The following NBPF11 variants were observed in gnomAD, a reference collection of about 807,000 sequenced individuals.
The protein encoded by NBPF11 is NBPF member 11.
In NBPF11, 72 loss-of-function variants were observed where a neutral mutation model predicts 93.9. The ratio of observed to expected loss-of-function variants is 0.77; its 90% CI spans 0.63 to 0.93. The LOEUF is 0.93. Ranked by LOEUF, NBPF11 falls within the 40% of genes least tolerant of loss-of-function variation. NBPF11 has a pLI of 0.00. For synonymous variants in NBPF11, 224 were observed against 304.9 expected (o/e 0.73, Z 2.76); for missense variants, 705 against 802.2 (o/e 0.88, Z 1.46).
chr1:148,120,795 T>A (rs28429220), intron 9 of NBPF11, 85 bp from the exon 10 acceptor site: 2 of 972,180 alleles, frequency 2.1e-6, no homozygotes, highest in East Asian at 4.9e-5. Context: ...ATGTCACTGG[T>A]AGCCTTGTTT....
In NBPF11 at chr1:148,122,084, C is replaced by G; in HGVS notation, c.749G>C (p.Gly250Ala). Residue 250 changes from glycine to alanine, a missense_variant, in exon 9 of 24, where the codon GGA becomes GCA. This residue lies in a region of NBPF11 where 262 missense variants were observed against 223.1 expected (regional missense o/e 1.17). Transcript: ENST00000682118. ...LVVDRESSHD[G>A]CQDALNILPV... ...GAGAATGTTTAGAGCATCCTGACATCCATCATGAGAGGATTCTCTGTCTAC... is the reference window on the plus strand; with the variant it reads ...GAGAATGTTTAGAGCATCCTGACATGCATCATGAGAGGATTCTCTGTCTAC... The G allele has an allele frequency of 6.2e-7, 1 of 1,610,164 alleles. No individual in the cohort carries two copies. The highest frequency in any genetic ancestry group is 1.7e-5 in the Admixed American group (1 of 59,972).
At chr1:148,105,681 C>G (rs1303218092) in intron 21 of NBPF11, among the ~76,000 whole-genome samples, 153 bp from the exon 22 acceptor site, 1 of 128,302 alleles carries the variant, frequency 7.8e-6, no homozygotes, top group East Asian at 2.2e-4. Flanking sequence ...CATGTTGGGA[C>G]AGAACAGGGC....
chr1:148,142,634 G>A (rs1452569531), intron 2 of NBPF11, among the ~76,000 whole-genome samples: 1 of 152,018 alleles, frequency 6.6e-6, no homozygotes, highest in Non-Finnish European at 1.5e-5. Flanking sequence ...AACAGGCCAT[G>A]CCCCTTTCTT....
At chr1:148,128,941 T>C (rs1382223526) in intron 4 of NBPF11, among the ~76,000 whole-genome samples, 2 of 146,454 alleles carry the variant, frequency 1.4e-5, no homozygotes, top group African/African-American at 2.6e-5. Flanking sequence ...TGGGTGGGAA[T>C]TGAACAATGA....
intron 2 of NBPF11, among the ~76,000 whole-genome samples, chr1:148,141,275 G>A (rs1272016766): frequency 6.6e-6 from 1 of 152,000 alleles, no homozygotes; most frequent in Non-Finnish European, 1.5e-5. Flanking sequence ...CTCAAAGAAT[G>A]AACTCTAATG....
chr1:148,146,753 A>T (rs1187004377), intron 1 of NBPF11: 1 of 1,612,766 alleles, frequency 6.2e-7, no homozygotes, highest in African/African-American at 1.3e-5. Context: ...TCGCACGGCA[A>T]TGCCGTGGAC....
chr1:148,147,821 G>C (rs1312678635), intron 1 of NBPF11, among the ~76,000 whole-genome samples: 1 of 151,982 alleles, frequency 6.6e-6, no homozygotes, highest in Non-Finnish European at 1.5e-5. Context: ...CACTTCATGC[G>C]GCTTCCTCGG....
In NBPF11 at chr1:148,102,472, A is replaced by G. The variant is rs1250762535; in HGVS notation, c.*1424T>C. 1.8e-4 allele frequency: 28 copies of G among 151,848 alleles called. No individual in the cohort carries two copies. Among genetic ancestry groups the G allele is most frequent in the Admixed American group, 1.8e-3 (28 of 15,270 alleles). The allele number at this position is 151,848 out of a possible 1,614,324, so 9.4% of individuals were successfully genotyped here. A position where few individuals can be genotyped will look rare whatever the true frequency, so the allele number is the denominator to read the frequency against. On this transcript the variant is annotated 3_prime_UTR_variant, in exon 24 of 24. Coordinates refer to ENST00000682118, the MANE Select transcript of NBPF11 (RefSeq NM_001385469.3). ...GACAGATCTCCTAGACCCCTCCTTA[A>G]CCAAGTAACCAGTCCTGATATCATA...
chr1:148,130,871 T>C (rs1298715173), intron 4 of NBPF11, among the ~76,000 whole-genome samples: 2 of 151,730 alleles, frequency 1.3e-5, no homozygotes, highest in African/African-American at 2.4e-5. Flanking sequence ...CCATTTTCTA[T>C]AAATGAAATG....
chr1:148,140,220 C>A (rs1252566827), intron 2 of NBPF11, among the ~76,000 whole-genome samples: 1 of 151,968 alleles, frequency 6.6e-6, no homozygotes, highest in Non-Finnish European at 1.5e-5. Context: ...AACAGCTGGA[C>A]AACCACATGC....
chr1:148,135,742 A>C lies in NBPF11; in HGVS notation c.-106T>G. The C allele has an allele frequency of 1.4e-6, 1 of 709,966 alleles. No homozygotes were observed. Among genetic ancestry groups the C allele is most frequent in the South Asian group, 1.5e-5 (1 of 64,718 alleles). The allele number at this position is 709,966 out of a possible 1,614,324, so 44.0% of individuals were successfully genotyped here. A position where few individuals can be genotyped will look rare whatever the true frequency, so the allele number is the denominator to read the frequency against. On this transcript the variant is annotated 5_prime_UTR_variant, in exon 4 of 24. Coordinates refer to ENST00000682118, the MANE Select transcript of NBPF11 (RefSeq NM_001385469.3). Reference sequence around the variant, plus strand: ...TGGCATTAACTTTGGATTCCCAACCAGTAAATCTTAGCAAGATCTGAGTTT... The same window carrying C: ...TGGCATTAACTTTGGATTCCCAACCCGTAAATCTTAGCAAGATCTGAGTTT...
intron 2 of NBPF11, among the ~76,000 whole-genome samples, chr1:148,140,573 C>A: frequency 6.8e-6 from 1 of 146,118 alleles, no homozygotes; most frequent in African/African-American, 2.5e-5. Context: ...AACTAAACAA[C>A]ACAAAGCAAA....
intron 1 of NBPF11, among the ~76,000 whole-genome samples, chr1:148,144,232 C>T (rs1672639316): frequency 6.7e-6 from 1 of 148,446 alleles, no homozygotes; most frequent in African/African-American, 2.5e-5. Flanking sequence ...GTATATTCTA[C>T]AGGCTGTCTC....
chr1:148,147,092 C>T (rs1448359482), intron 1 of NBPF11, among the ~76,000 whole-genome samples: 3 of 152,258 alleles, frequency 2.0e-5, no homozygotes, highest in Non-Finnish European at 2.9e-5. Context: ...GTGCAGGTGC[C>T]GCCTCCACAT....
chr1:148,103,765 G>A lies in NBPF11; in HGVS notation c.*131C>T, dbSNP rs1333703833. On this transcript the variant is annotated 3_prime_UTR_variant, in exon 24 of 24. Transcript: ENST00000682118. ...TGTCCATGTCAAGGGCAAAGCTGAT[G>A]TGCTGTTCCTCAAATGAGTAAAACA... The A allele has an allele frequency of 6.2e-6, 10 of 1,611,740 alleles. No individual in the cohort carries two copies. The African/African-American group carries it at 6.7e-5, about 11-fold the overall frequency.
rs1255633196 is a variant in NBPF11 at position 148,135,674 on chromosome 1, T to C, written c.-38A>G. 2 of 653,244 alleles carry C rather than the reference T, an allele frequency of 3.1e-6. No homozygotes were observed. Among genetic ancestry groups the C allele is most frequent in the Non-Finnish European group, 5.4e-6 (2 of 368,818 alleles). 40.5% of individuals were successfully genotyped at this position (653,244 alleles called of 1,614,324 possible). ...GCTCTCTGTGTTTGAGTACGCACCTTGATCCATAGGCTCACATTTGATCCC... is the reference window on the plus strand; with the variant it reads ...GCTCTCTGTGTTTGAGTACGCACCTCGATCCATAGGCTCACATTTGATCCC... On this transcript the variant is annotated splice_region_variant and 5_prime_UTR_variant, in exon 4 of 24. Coordinates refer to ENST00000682118, the MANE Select transcript of NBPF11 (RefSeq NM_001385469.3).
intron 2 of NBPF11, among the ~76,000 whole-genome samples, chr1:148,142,498 G>A (rs1444760211): frequency 1.5e-4 from 23 of 148,720 alleles, no homozygotes; most frequent in East Asian, 1.0e-3. Flanking sequence ...GAAGCTGCCC[G>A]GCTGCAGGTG....
At chr1:148,121,724 G>T (rs1224696063) in intron 9 of NBPF11, among the ~76,000 whole-genome samples, 2 of 151,916 alleles carry the variant, frequency 1.3e-5, no homozygotes, top group Non-Finnish European at 2.9e-5. Context: ...AGTGAATGAG[G>T]GTGGGAGGAT....
chr1:148,123,894 C>T lies in NBPF11; in HGVS notation c.452G>A (p.Gly151Glu), dbSNP rs1668474528. ...GQDLQEQLAE[G>E]CRLAQHLVQK... ...GACAAGGTGCTGTGCCAGTCTACACCCCTCAGCCAGCTGTTCTTGGAGGTC... is the reference window on the plus strand; with the variant it reads ...GACAAGGTGCTGTGCCAGTCTACACTCCTCAGCCAGCTGTTCTTGGAGGTC... The change falls in exon 7 of 24, where the codon GGG becomes GAG. Residue 151 changes from glycine to glutamate, a missense_variant. This residue lies in a region of NBPF11 where 10 missense variants were observed against 65.1 expected (regional missense o/e 0.15). Transcript: ENST00000682118. 3 of 1,606,372 alleles carry T rather than the reference C, an allele frequency of 1.9e-6. No homozygotes were observed. The highest frequency in any genetic ancestry group is 1.3e-5 in the African/African-American group (1 of 74,244).
Sources: gnomAD v4.1 joint callset for allele counts (sites outside exome capture counted in the v4.1 genomes callset) on GRCh38, gnomAD v4.1.1 for gene constraint, gnomAD v4.1.1 regional missense constraint, MANE v1.5 for transcripts, NCBI Gene and HGNC (gene_info 2026-07-23, HGNC 2026-07-21) for gene names.